UBR3: variants seen among roughly 807,000 people sequenced by gnomAD.
UBR3 encodes the protein E3 ubiquitin-protein ligase UBR3.
Under a neutral mutation model 243.2 loss-of-function variants are expected in UBR3, and 85 were observed. The ratio of observed to expected loss-of-function variants is 0.35; its 90% CI spans 0.29 to 0.42. The LOEUF (loss-of-function observed/expected upper bound fraction) is 0.42. Among genes scored for constraint, UBR3 ranks in the 10% least tolerant of loss-of-function variants. The pLI is 1.00. For missense variants in UBR3, 1,686 were observed against 2,300.8 expected (o/e 0.73, Z 5.47); for synonymous variants, 748 against 799.8 (o/e 0.94, Z 1.09).
chr2:169,841,890 G>A (rs943291720), intron 1 of UBR3, among the ~76,000 whole-genome samples: 18 of 152,202 alleles, frequency 1.2e-4, no homozygotes, highest in South Asian at 2.1e-4. Context: ...GCCCAGTCCC[G>A]TCGACCACCC....
At chr2:169,938,607 T>G (rs929680785) in intron 19 of UBR3, among the ~76,000 whole-genome samples, 13 of 152,322 alleles carry the variant, frequency 8.5e-5, no homozygotes, top group African/African-American at 3.1e-4. Context: ...TTCACTTACT[T>G]GAAAGTGTTC....
intron 11 of UBR3, among the ~76,000 whole-genome samples, chr2:169,919,836 A>T (rs1418503287): frequency 1.3e-5 from 2 of 152,148 alleles, no homozygotes; most frequent in Admixed American, 6.5e-5. Flanking sequence ...ATGTGGAGAA[A>T]TAGGAACACT....
chr2:169,893,081 GACT>G (rs1406670465), intron 6 of UBR3, among the ~76,000 whole-genome samples: 1 of 152,108 alleles, frequency 6.6e-6, no homozygotes, highest in Non-Finnish European at 1.5e-5. Flanking sequence ...AAGCATTTCT[GACT>G]ACATTTTCAT....
At chr2:170,059,356 T>C (rs1011350575) in intron 33 of UBR3, among the ~76,000 whole-genome samples, 2 of 152,230 alleles carry the variant, frequency 1.3e-5, no homozygotes, top group Admixed American at 1.3e-4. Flanking sequence ...TTGAATCTTT[T>C]ACTCAGAAAA....
chr2:169,976,975 C>A (rs931272160), intron 24 of UBR3, among the ~76,000 whole-genome samples: 18 of 151,934 alleles, frequency 1.2e-4, no homozygotes, highest in African/African-American at 4.3e-4. Flanking sequence ...ATTCCTTTTT[C>A]TACTTGATCA....
intron 5 of UBR3, among the ~76,000 whole-genome samples, chr2:169,886,216 G>A (rs2084093143): frequency 6.6e-6 from 1 of 151,916 alleles, no homozygotes; most frequent in Admixed American, 6.6e-5. Flanking sequence ...TTTTAATTTG[G>A]TATCATAAAT....
intron 32 of UBR3, among the ~76,000 whole-genome samples, chr2:170,041,426 T>C (rs370746680): frequency 5.3e-5 from 8 of 152,128 alleles, no homozygotes; most frequent in African/African-American, 1.7e-4. Context: ...ATTCGAAAAA[T>C]AGAGCAAACT....
At chr2:169,994,592 G>A in intron 26 of UBR3, 136 bp downstream of exon 26, 1 of 926,396 alleles carries the variant, frequency 1.1e-6, no homozygotes, top group Non-Finnish European at 1.6e-6. Context: ...TTAATATGTG[G>A]ATAGAAAGAA....
At chr2:169,831,847 A>G (rs951073426) in intron 1 of UBR3, among the ~76,000 whole-genome samples, 4 of 152,150 alleles carry the variant, frequency 2.6e-5, no homozygotes, top group Admixed American at 1.3e-4. Context: ...ATTGCCAAAG[A>G]TTGAATGTGT....
intron 23 of UBR3, among the ~76,000 whole-genome samples, chr2:169,954,825 G>A (rs559117028): frequency 1.7e-3 from 257 of 152,140 alleles, no homozygotes; most frequent in Non-Finnish European, 3.2e-3. Context: ...CACCCGTCTC[G>A]GCATCCCAAA....
At chr2:169,860,233 A>G (rs1383810752) in intron 1 of UBR3, among the ~76,000 whole-genome samples, 1 of 152,168 alleles carries the variant, frequency 6.6e-6, no homozygotes, top group Non-Finnish European at 1.5e-5. Context: ...TTGCATGCCT[A>G]GAAAACATTG....
At chr2:169,843,743 T>TGTA (rs1217414455) in intron 1 of UBR3, among the ~76,000 whole-genome samples, 9 of 152,240 alleles carry the variant, frequency 5.9e-5, no homozygotes, top group African/African-American at 1.7e-4. Context: ...GATATTGTAC[T>TGTA]GTAGTTTTCT....
chr2:169,896,097 G>A (rs1229416117), intron 7 of UBR3, among the ~76,000 whole-genome samples: 3 of 152,182 alleles, frequency 2.0e-5, no homozygotes, highest in Non-Finnish European at 4.4e-5. Context: ...GGGAGTTTGA[G>A]ATCAGTCTGG....
intron 5 of UBR3, among the ~76,000 whole-genome samples, chr2:169,889,210 T>C (rs2084232048): frequency 6.6e-6 from 1 of 152,192 alleles, no homozygotes; most frequent in African/African-American, 2.4e-5. Flanking sequence ...CTTTTGTCTT[T>C]TGCCTTTGCT....
chr2:170,005,497 A>G (rs2089882514), intron 27 of UBR3, among the ~76,000 whole-genome samples: 2 of 152,226 alleles, frequency 1.3e-5, no homozygotes. Context: ...TGTTGCCATG[A>G]GTTTTTGAAG....
intron 1 of UBR3, among the ~76,000 whole-genome samples, chr2:169,859,960 A>G (rs1300072532): frequency 2.0e-5 from 3 of 151,706 alleles, no homozygotes; most frequent in Non-Finnish European, 4.4e-5. Flanking sequence ...CTTGTGATCC[A>G]CCCGCCTCGG....
chr2:170,077,467 T>A (rs2091833716), intron 36 of UBR3: 1 of 1,466,234 alleles, frequency 6.8e-7, no homozygotes. Flanking sequence ...ATGGGCTTTC[T>A]TGAAACGCAA....
At chr2:170,078,475 A>G (rs563406978) in intron 36 of UBR3, among the ~76,000 whole-genome samples, 6 of 152,282 alleles carry the variant, frequency 3.9e-5, no homozygotes, top group South Asian at 4.1e-4. Flanking sequence ...ATGCATTCCA[A>G]TTGTGAAAAA....
At chr2:169,831,766 G>A (rs887959383) in intron 1 of UBR3, among the ~76,000 whole-genome samples, 3 of 152,164 alleles carry the variant, frequency 2.0e-5, no homozygotes, top group East Asian at 3.9e-4. Context: ...CATGGGCAAA[G>A]CTGGACTACA....
Sources: allele counts gnomAD v4.1 joint callset (sites outside exome capture counted in the v4.1 genomes callset), GRCh38; gene constraint gnomAD v4.1.1; transcripts MANE v1.5; gene names NCBI Gene and HGNC (gene_info 2026-07-23, HGNC 2026-07-21).